Variants in GLIPR1L2 observed in about 807,000 individuals in gnomAD.
The protein encoded by GLIPR1L2 is GLIPR1-like protein 2.
GLIPR1L2 carries 21 observed loss-of-function variants against 28.4 expected under a neutral mutation model. The ratio of observed to expected loss-of-function variants is 0.74; its 90% CI spans 0.52 to 1.06. The LOEUF (loss-of-function observed/expected upper bound fraction) is 1.06, where lower values mean the gene tolerates loss of function less well. GLIPR1L2 is among the 50% of genes least tolerant of loss of function. GLIPR1L2 has a pLI of 0.00. For missense variants in GLIPR1L2, 476 were observed against 416.9 expected (o/e 1.14, Z -1.23); for synonymous variants, 145 against 139.3 (o/e 1.04, Z -0.29).
chr12:75,410,532 T>A lies in GLIPR1L2; in HGVS notation c.333T>A (p.Pro111=). The A allele has an allele frequency of 6.2e-7, 1 of 1,612,368 alleles. No homozygotes were observed. The highest frequency in any genetic ancestry group is 8.5e-7 in the Non-Finnish European group (1 of 1,178,916). The stretch of plus-strand genomic sequence containing the variant: ...TACAAGATGTACAAATGGTCCATCC[T>A]AAATTTTATGGTATTGGTGAAAATA... ...IYLQDVQMVH[P]KFYGIGENMW... The change falls in exon 2 of 6, where the codon CCT becomes CCA. Residue 111 remains proline, a synonymous_variant. Coordinates refer to ENST00000550916, the MANE Select transcript of GLIPR1L2 (RefSeq NM_001270396.2).
intron 3 of GLIPR1L2, among the ~76,000 whole-genome samples, chr12:75,419,997 G>A (rs1484291923): frequency 6.6e-6 from 1 of 152,136 alleles, no homozygotes; most frequent in African/African-American, 2.4e-5. Flanking sequence ...GATTCTTCTT[G>A]GAAAAAAGTA....
intron 1 of GLIPR1L2, chr12:75,391,662 T>C: frequency 1.6e-6 from 1 of 635,098 alleles, no homozygotes; most frequent in Non-Finnish European, 2.5e-6. Context: ...AAATTAAAAA[T>C]CAGTGCAAAA....
At chr12:75,407,391 C>T (rs549719615) in intron 1 of GLIPR1L2, among the ~76,000 whole-genome samples, 10 of 151,992 alleles carry the variant, frequency 6.6e-5, no homozygotes, top group Admixed American at 2.6e-4. Flanking sequence ...TGTGTAAAAG[C>T]ACAAAGGGAA....
In GLIPR1L2 at chr12:75,410,462, C is replaced by G; in HGVS notation, c.263C>G (p.Ala88Gly). Residue 88 changes from alanine to glycine, a missense_variant, in exon 2 of 6, where the codon GCT becomes GGT. Physicochemically the swap from Ala to Gly is moderately conservative, Grantham distance 60 (BLOSUM62 0). Coordinates refer to ENST00000550916, the MANE Select transcript of GLIPR1L2 (RefSeq NM_001270396.2). ...MTWDVALSRT[A>G]RAWGKKCLFT... ...TGGGATGTAGCTTTATCACGGACTGCTAGAGCATGGGGAAAAAAATGTTTG... is the reference window on the plus strand; with the variant it reads ...TGGGATGTAGCTTTATCACGGACTGGTAGAGCATGGGGAAAAAAATGTTTG... 1 of 1,607,508 alleles carries G rather than the reference C, an allele frequency of 6.2e-7. No homozygotes were observed. The highest frequency in any genetic ancestry group is 8.5e-7 in the Non-Finnish European group (1 of 1,176,338).
Position 75,431,092 on chromosome 12 carries a change from G to C in GLIPR1L2, c.966G>C (p.Glu322Asp), listed in dbSNP as rs1566081657. The change falls in exon 6 of 6, where the codon GAG becomes GAC. Residue 322 changes from glutamate to aspartate, a missense_variant. By Grantham distance (45) the Glu-to-Asp change is conservative. Transcript: ENST00000550916. ...EMEMEIMEME[E>D]EKEEREEEEE... Reference sequence around the variant, plus strand: ...AAATGGAAATAATGGAAATGGAGGAGGAAAAAGAAGAGAGAGAGGAGGAGG... The same window carrying C: ...AAATGGAAATAATGGAAATGGAGGACGAAAAAGAAGAGAGAGAGGAGGAGG... 1.6e-6 allele frequency: 2 copies of C among 1,219,556 alleles called. No individual in the cohort carries two copies. The highest frequency in any genetic ancestry group is 2.3e-6 in the Non-Finnish European group (2 of 861,746). 75.5% of individuals were successfully genotyped at this position (1,219,556 alleles called of 1,614,324 possible).
intron 1 of GLIPR1L2, chr12:75,403,181 C>T (rs1192388362): frequency 2.2e-6 from 1 of 456,040 alleles, no homozygotes; most frequent in Admixed American, 2.4e-5. Flanking sequence ...CTCCAGATGA[C>T]AGTCTGTTGA....
chr12:75,414,477 A>T (rs1344561964), intron 3 of GLIPR1L2, among the ~76,000 whole-genome samples: 1 of 152,090 alleles, frequency 6.6e-6, no homozygotes, highest in African/African-American at 2.4e-5. Flanking sequence ...CCAGACAGAA[A>T]AATTTAAAAA....
At chr12:75,424,410 G>T (rs1214258609) in intron 4 of GLIPR1L2, among the ~76,000 whole-genome samples, 2 of 152,068 alleles carry the variant, frequency 1.3e-5, no homozygotes, top group Non-Finnish European at 2.9e-5. Context: ...TTTCGATGGG[G>T]TTGTTTGTTT....
chr12:75,424,494 G>A (rs574861698), intron 4 of GLIPR1L2, among the ~76,000 whole-genome samples: 1 of 152,246 alleles, frequency 6.6e-6, no homozygotes. Flanking sequence ...CACACAGGCT[G>A]GAATGCAGTG....
intron 3 of GLIPR1L2, 97 bp from the exon 4 acceptor site, chr12:75,422,807 T>C (rs1594028320): frequency 9.8e-7 from 1 of 1,025,528 alleles, no homozygotes; most frequent in African/African-American, 1.7e-5. Context: ...TAACCCGCCT[T>C]TTTAACCTGA....
chr12:75,410,768 CAAAT>C, intron 2 of GLIPR1L2, 89 bp downstream of exon 2: 1 of 971,850 alleles, frequency 1.0e-6, no homozygotes, highest in Non-Finnish European at 1.5e-6. Flanking sequence ...TACATAAACT[CAAAT>C]AATAAAATTA....
At chr12:75,391,508 A>AC in intron 1 of GLIPR1L2, 158 bp downstream of exon 1, 1 of 1,536,436 alleles carries the variant, frequency 6.5e-7, no homozygotes, top group South Asian at 1.2e-5. Flanking sequence ...TACACAGAGA[A>AC]AAACTGCGGA....
At chr12:75,413,764 A>G (rs2045896716) in intron 3 of GLIPR1L2, 63 bp downstream of exon 3, 2 of 720,136 alleles carry the variant, frequency 2.8e-6, no homozygotes, top group African/African-American at 3.8e-5. Context: ...GAGTTTTTCT[A>G]ACTTTTAATA....
rs560014233 is a variant in GLIPR1L2 at position 75,408,672 on chromosome 12, C to G, written c.235-1762C>G. Among the ~76,000 whole-genome samples the G allele has an allele frequency of 2.0e-5, 3 of 152,046 alleles. No homozygotes were observed. In the South Asian group the frequency reaches 6.2e-4, roughly 31 times the overall value. On this transcript the variant is annotated intron_variant, in intron 1 of 5. Coordinates refer to ENST00000550916, the MANE Select transcript of GLIPR1L2 (RefSeq NM_001270396.2). Reference sequence around the variant, plus strand: ...TTATAGGTATCCGTGCTGCGGAATACTATGCAGACCATGTAAAAATTAAGC... The same window carrying G: ...TTATAGGTATCCGTGCTGCGGAATAGTATGCAGACCATGTAAAAATTAAGC...
rs781141091 is a variant in GLIPR1L2, at chr12:75,413,618, C to T, written c.501C>T (p.Tyr167=). The T allele has an allele frequency of 3.9e-6, 6 of 1,555,404 alleles. No homozygotes were observed. Among genetic ancestry groups the T allele is most frequent in the Non-Finnish European group, 5.2e-6 (6 of 1,156,786 alleles). Reference sequence around the variant, plus strand: ...TTTAGCTTGTTTGGGACCACTCTTACAAAGTTGGTTGTGCTGTTACTCCAT... The same window carrying T: ...TTTAGCTTGTTTGGGACCACTCTTATAAAGTTGGTTGTGCTGTTACTCCAT... The part of the protein sequence containing the change: ...NYIQLVWDHS[Y]KVGCAVTPCS... Residue 167 remains tyrosine, a synonymous_variant, in exon 3 of 6, where the codon TAC becomes TAT. Transcript: ENST00000550916.
At chr12:75,414,224 A>G (rs1019427932) in intron 3 of GLIPR1L2, among the ~76,000 whole-genome samples, 3 of 152,026 alleles carry the variant, frequency 2.0e-5, no homozygotes, top group African/African-American at 4.8e-5. Context: ...TGACTATACC[A>G]TATACCTGGG....
At chr12:75,397,733 AC>A (rs1404349224) in intron 1 of GLIPR1L2, among the ~76,000 whole-genome samples, 3 of 152,162 alleles carry the variant, frequency 2.0e-5, no homozygotes, top group Non-Finnish European at 2.9e-5. Context: ...ACATGACATG[AC>A]TTTTTTCCAT....
intron 3 of GLIPR1L2, among the ~76,000 whole-genome samples, chr12:75,416,210 A>G (rs1035755916): frequency 3.3e-5 from 5 of 152,188 alleles, no homozygotes; most frequent in African/African-American, 1.2e-4. Flanking sequence ...TGATTTCATT[A>G]ACTTAGAGAA....
intron 4 of GLIPR1L2, among the ~76,000 whole-genome samples, chr12:75,426,046 A>G (rs1477311236): frequency 6.6e-6 from 1 of 152,212 alleles, no homozygotes; most frequent in Non-Finnish European, 1.5e-5. Context: ...AATAGAACAG[A>G]AAATACAACT....
Sources: allele counts gnomAD v4.1 joint callset (sites outside exome capture counted in the v4.1 genomes callset), GRCh38; gene constraint gnomAD v4.1.1; transcripts MANE v1.5; gene names NCBI Gene and HGNC (gene_info 2026-07-23, HGNC 2026-07-21).